CLCN4: variants seen among roughly 807,000 people sequenced by gnomAD.
CLCN4 encodes the protein Cl-/H+ antiporter 4.
A neutral mutation model predicts 41.7 loss-of-function variants in CLCN4; 1 was observed. That is an observed-to-expected ratio of 0.02 (90% CI 0.01 to 0.11). CLCN4 has a LOEUF of 0.11. Ranked by LOEUF, CLCN4 falls within the 10% of genes least tolerant of loss-of-function variation. The pLI, the probability that CLCN4 is intolerant of heterozygous loss-of-function variation, is 1.00. For missense variants in CLCN4, 287 were observed against 661.0 expected (o/e 0.43, Z 6.20); for synonymous variants, 277 against 285.8 (o/e 0.97, Z 0.31).
intron 2 of CLCN4, among the ~76,000 whole-genome samples, chrX:10,172,842 T>C (rs1376497938): frequency 2.7e-5 from 3 of 112,042 alleles, no homozygotes; most frequent in African/African-American, 6.5e-5. Flanking sequence ...AACATTTTTT[T>C]CCCTCCTTCC....
chrX:10,196,538 C>CTT (rs141362799), intron 5 of CLCN4, among the ~76,000 whole-genome samples: 53 of 80,899 alleles, frequency 6.6e-4, no homozygotes, highest in Non-Finnish European at 1.1e-3. Context: ...CCCTTCCCCA[C>CTT]TTTTTTTTTT....
intron 9 of CLCN4, among the ~76,000 whole-genome samples, chrX:10,211,265 CAA>C (rs71774120): frequency 4.1e-5 from 2 of 48,808 alleles, no homozygotes; most frequent in African/African-American, 8.5e-5. Flanking sequence ...GATTCCGTCT[CAA>C]AAAAAAAAAA....
At chrX:10,222,658 A>T (rs186701044) in intron 12 of CLCN4, among the ~76,000 whole-genome samples, 7 of 111,537 alleles carry the variant, frequency 6.3e-5, no homozygotes, top group Admixed American at 1.9e-4. Flanking sequence ...ACAACAAAAC[A>T]TCTGGCCCAA....
chrX:10,225,817 A>G (rs1027885846), intron 12 of CLCN4, among the ~76,000 whole-genome samples: 14 of 111,811 alleles, frequency 1.3e-4, no homozygotes, highest in Admixed American at 2.9e-4. Flanking sequence ...CATATAGCTA[A>G]CCAATTCTCC....
chrX:10,211,697 C>T (rs749610573), intron 9 of CLCN4, among the ~76,000 whole-genome samples: 229 of 111,781 alleles, frequency 2.0e-3, no homozygotes, highest in Non-Finnish European at 3.0e-3. Flanking sequence ...TCAGCGGTCA[C>T]GTGTCATTTC....
chrX:10,202,255 C>T (rs186376894), intron 6 of CLCN4, among the ~76,000 whole-genome samples: 1 of 111,448 alleles, frequency 9.0e-6, no homozygotes, highest in African/African-American at 3.3e-5. Context: ...GGGTGGATCA[C>T]TTGAGGCCAG....
At position 10,236,793 on chromosome X, in the gene CLCN4, A is replaced by T. The variant is rs1242778099; in HGVS notation, c.*3209A>T. 2 of 110,680 alleles carry T rather than the reference A, an allele frequency of 1.8e-5. No individual in the cohort carries two copies. The highest frequency in any genetic ancestry group is 3.3e-5 in the African/African-American group (1 of 30,326). 9.1% of individuals were successfully genotyped at this position (110,680 alleles called of 1,213,427 possible). A position where few individuals can be genotyped will look rare whatever the true frequency, so the allele number is the denominator to read the frequency against. ...GTAGAACTTTCTGGATTCCTTCTGA[A>T]TCGGGTTTTAACATAAAAAACCATC... On this transcript the variant is annotated 3_prime_UTR_variant, in exon 13 of 13. Coordinates refer to ENST00000380833, the MANE Select transcript of CLCN4 (RefSeq NM_001830.4).
chrX:10,204,819 G>GT (rs1924337207), intron 6 of CLCN4, among the ~76,000 whole-genome samples: 1 of 109,250 alleles, frequency 9.2e-6, no homozygotes, highest in African/African-American at 3.3e-5. Flanking sequence ...TTGCGGCTGG[G>GT]CCTGCGAATT....
At chrX:10,178,294 A>G (rs1274558688) in intron 2 of CLCN4, among the ~76,000 whole-genome samples, 1 of 111,715 alleles carries the variant, frequency 9.0e-6, no homozygotes, top group Non-Finnish European at 1.9e-5. Flanking sequence ...TATGTGAATT[A>G]CCTCTTTAAA....
chrX:10,195,516 A>G (rs1326080827), intron 5 of CLCN4, among the ~76,000 whole-genome samples: 1 of 112,026 alleles, frequency 8.9e-6, no homozygotes. Context: ...CACAGTTCAC[A>G]TTGTTCACCC....
At chrX:10,179,242 G>A (rs763624021) in intron 2 of CLCN4, among the ~76,000 whole-genome samples, 1 of 111,446 alleles carries the variant, frequency 9.0e-6, no homozygotes, top group Admixed American at 9.5e-5. Flanking sequence ...GAGGGTGAAA[G>A]GGGCCGGTGC....
At chrX:10,232,044 G>T (rs1203986588) in intron 12 of CLCN4, among the ~76,000 whole-genome samples, 1 of 111,754 alleles carries the variant, frequency 8.9e-6, no homozygotes, top group Admixed American at 9.5e-5. Context: ...AATTCATATT[G>T]TCATTATTCT....
At chrX:10,173,335 G>A (rs1923429867) in intron 2 of CLCN4, among the ~76,000 whole-genome samples, 1 of 111,469 alleles carries the variant, frequency 9.0e-6, no homozygotes, top group South Asian at 3.8e-4. Flanking sequence ...ACCCGAGGCC[G>A]CACATTGGCA....
chrX:10,197,734 C>A (rs1924133359), intron 5 of CLCN4, among the ~76,000 whole-genome samples: 1 of 111,530 alleles, frequency 9.0e-6, no homozygotes, highest in East Asian at 2.8e-4. Context: ...AGAGAAACAC[C>A]CGCTGCTCTG....
At chrX:10,179,975 C>T (rs1436386939) in intron 2 of CLCN4, among the ~76,000 whole-genome samples, 2 of 111,849 alleles carry the variant, frequency 1.8e-5, no homozygotes, top group Non-Finnish European at 3.8e-5. Context: ...TGTGTTTTAA[C>T]CAGTATGCGT....
chrX:10,235,894 C>T lies in CLCN4; in HGVS notation c.*2310C>T, dbSNP rs967612553. 5 of 112,172 alleles carry T rather than the reference C, an allele frequency of 4.5e-5. No homozygotes were observed. The highest frequency in any genetic ancestry group is 1.6e-4 in the African/African-American group (5 of 30,867). The allele number at this position is 112,172 out of a possible 1,213,427, so 9.2% of individuals were successfully genotyped here. On this transcript the variant is annotated 3_prime_UTR_variant, in exon 13 of 13. Transcript: ENST00000380833. ...ATTGTCGTATTTATAGCACGTAAGCCTTGAGTAACAGGTCTTAATGTTAGT... is the reference window on the plus strand; with the variant it reads ...ATTGTCGTATTTATAGCACGTAAGCTTTGAGTAACAGGTCTTAATGTTAGT...
chrX:10,179,823 G>A (rs1227207488), intron 2 of CLCN4, among the ~76,000 whole-genome samples: 1 of 112,529 alleles, frequency 8.9e-6, no homozygotes, highest in Non-Finnish European at 1.9e-5. Context: ...ACAGCACCCT[G>A]AGGCAGGTAG....
intron 12 of CLCN4, 92 bp downstream of exon 12, chrX:10,220,969 G>A: frequency 1.4e-6 from 1 of 737,430 alleles, no homozygotes; most frequent in Non-Finnish European, 2.1e-6. Flanking sequence ...GGGCCATGGG[G>A]TGGAATAGTC....
At chrX:10,164,795 A>G (rs1923202349) in intron 2 of CLCN4, among the ~76,000 whole-genome samples, 1 of 112,190 alleles carries the variant, frequency 8.9e-6, no homozygotes, top group South Asian at 3.7e-4. Flanking sequence ...GTGGCCTCCC[A>G]GGGACAGCAG....
Sources: gnomAD v4.1 joint callset for allele counts (sites outside exome capture counted in the v4.1 genomes callset) on GRCh38, gnomAD v4.1.1 for gene constraint, MANE v1.5 for transcripts, NCBI Gene and HGNC (gene_info 2026-07-23, HGNC 2026-07-21) for gene names.